The following SORL1 variants were observed in gnomAD, a reference collection of about 807,000 sequenced individuals.
SORL1 encodes sortilin related receptor 1, also known as sortilin-related receptor.
In SORL1, 127 loss-of-function variants were observed where a neutral mutation model predicts 273.7. The observed-to-expected ratio is 0.46, with a 90% confidence interval of 0.40 to 0.54. The LOEUF (loss-of-function observed/expected upper bound fraction) is 0.54, where lower values mean the gene tolerates loss of function less well. Ranked by LOEUF, SORL1 falls within the 20% of genes least tolerant of loss-of-function variation. SORL1 has a pLI of 0.00. For missense variants in SORL1, 2,494 were observed against 2,846.1 expected (o/e 0.88, Z 2.81); for synonymous variants, 1,031 against 1,067.4 (o/e 0.97, Z 0.66).
Position 121,550,712 on chromosome 11 carries a change from G to T in SORL1, c.2266+42G>T. 6.6e-7 allele frequency: 1 copy of T among 1,507,478 alleles called. No homozygotes were observed. The highest frequency in any genetic ancestry group is 9.2e-7 in the Non-Finnish European group (1 of 1,086,784). 93.4% of individuals were successfully genotyped at this position (1,507,478 alleles called of 1,614,324 possible). ...CTTCCCTTTCATTTCTTGAGACATG[G>T]TTGAAGCAGTATCACGATCTCACCC... On this transcript the variant is annotated intron_variant, in intron 16 of 47. Transcript: ENST00000260197. The surrounding 1 kb of genome is among the most constrained non-coding windows in gnomAD (Gnocchi z 5.3).
At chr11:121,480,204 A>G (rs776499822) in intron 3 of SORL1, among the ~76,000 whole-genome samples, 3 of 152,194 alleles carry the variant, frequency 2.0e-5, no homozygotes, top group African/African-American at 7.2e-5. Flanking sequence ...TAACTATGAG[A>G]GGGAAAGCAT....
At chr11:121,517,732 C>T (rs1297337458) in intron 8 of SORL1, among the ~76,000 whole-genome samples, 2 of 152,180 alleles carry the variant, frequency 1.3e-5, no homozygotes, top group African/African-American at 2.4e-5. Flanking sequence ...AATAGATTCA[C>T]GTCAAGAGTC....
rs1047775157 is a variant in SORL1, at chr11:121,604,389, C to T, written c.4651+65C>T. ...CTGGGAGGCTCGCTTACCCCAGGGC[C>T]CCTCCTGTGTAGACCTTGAGCTAGG... On this transcript the variant is annotated intron_variant, in intron 33 of 47. Coordinates refer to ENST00000260197, the MANE Select transcript of SORL1 (RefSeq NM_003105.6). 1.6e-5 allele frequency: 25 copies of T among 1,584,612 alleles called. No homozygotes were observed. In the South Asian group the frequency reaches 2.5e-4, roughly 16 times the overall value.
intron 24 of SORL1, among the ~76,000 whole-genome samples, chr11:121,575,404 G>A (rs1015069922): frequency 6.6e-5 from 10 of 152,260 alleles, no homozygotes; most frequent in African/African-American, 1.9e-4. Context: ...GAGGTCAGAC[G>A]CTGACCCAGA....
chr11:121,573,298 G>T (rs1862875957), intron 23 of SORL1, among the ~76,000 whole-genome samples: 1 of 152,138 alleles, frequency 6.6e-6, no homozygotes. Context: ...GTAAGTTGTA[G>T]GTTGCAGACT....
At chr11:121,572,709 G>A (rs1330092813) in intron 23 of SORL1, among the ~76,000 whole-genome samples, 1 of 152,072 alleles carries the variant, frequency 6.6e-6, no homozygotes, top group Admixed American at 6.6e-5. Flanking sequence ...AGTGGAGGAG[G>A]GGGGACACCG....
rs1332899176 is a variant in SORL1, at chr11:121,555,266, A to G, written c.2519A>G (p.Glu840Gly). 1 of 1,614,022 alleles carries G rather than the reference A, an allele frequency of 6.2e-7. No homozygotes were observed. The highest frequency in any genetic ancestry group is 1.3e-5 in the African/African-American group (1 of 74,948). The change falls in exon 18 of 48, where the codon GAA becomes GGA. Residue 840 changes from glutamate to glycine, a missense_variant. Physicochemically the swap from Glu to Gly is moderately conservative, Grantham distance 98. Transcript: ENST00000260197. The part of the protein sequence containing the change: ...GLETVEALAF[E>G]PLSQLLYWVD... ...GAGACAGTAGAAGCTTTGGCTTTTGAACCCCTCAGCCAGCTGCTTTACTGG... is the reference window on the plus strand; with the variant it reads ...GAGACAGTAGAAGCTTTGGCTTTTGGACCCCTCAGCCAGCTGCTTTACTGG...
At chr11:121,583,153 T>A (rs781489735) in intron 25 of SORL1, among the ~76,000 whole-genome samples, 7 of 152,176 alleles carry the variant, frequency 4.6e-5, no homozygotes, top group African/African-American at 1.2e-4. Context: ...CTGTTCTCAT[T>A]TGTGAAAGGG....
intron 8 of SORL1, among the ~76,000 whole-genome samples, chr11:121,515,485 C>G (rs180734016): frequency 6.7e-4 from 102 of 152,188 alleles, no homozygotes; most frequent in African/African-American, 2.4e-3. Context: ...GACTCTGAGG[C>G]TGGACTGCAC....
In SORL1 at chr11:121,588,031, A is replaced by C; in HGVS notation, c.3826A>C (p.Thr1276Pro). The change falls in exon 28 of 48, where the codon ACG becomes CCG. Residue 1276 changes from threonine to proline, a missense_variant. Around this residue, in one of 3 missense-constraint regions of SORL1, gnomAD observed 1,609 missense variants for 1,816.4 expected, o/e 0.89. Transcript: ENST00000260197. ...TGGATCCCTTACAGAGCCCCTCTGT[A>C]CGCACTTCATGGACTTTGTGTGTAA... The part of the protein sequence containing the change: ...SDEQHCEPLC[T>P]HFMDFVCKNR... The C allele has an allele frequency of 6.2e-7, 1 of 1,613,220 alleles. No individual in the cohort carries two copies. Among genetic ancestry groups the C allele is most frequent in the Non-Finnish European group, 8.5e-7 (1 of 1,179,472 alleles).
intron 2 of SORL1, among the ~76,000 whole-genome samples, chr11:121,472,337 T>A (rs3781826): frequency 0.037 from 5,585 of 152,214 alleles, 343 homozygotes; most frequent in East Asian, 0.18. Context: ...CAGACAACAT[T>A]TTTTGTGAGG....
chr11:121,507,382 C>T (rs1032796903), intron 6 of SORL1, among the ~76,000 whole-genome samples: 4 of 152,108 alleles, frequency 2.6e-5, no homozygotes, highest in Admixed American at 6.5e-5. Flanking sequence ...TCTCTCATCT[C>T]GTCAGTGACT....
intron 1 of SORL1, among the ~76,000 whole-genome samples, chr11:121,468,790 G>C (rs929782201): frequency 1.3e-5 from 2 of 152,160 alleles, no homozygotes; most frequent in Non-Finnish European, 2.9e-5. Flanking sequence ...GTATGGTTCA[G>C]GTGTTCAAAT....
chr11:121,488,187 C>G lies in SORL1; in HGVS notation c.684C>G (p.Asn228Lys). ...LLLGFDRSHP[N>K]KQLWKSDDFG... ...TGGGCTTTGACAGGTCCCACCCCAACAAGCAGGTAAGAGGGCTTTCAGAAC... is the reference window on the plus strand; with the variant it reads ...TGGGCTTTGACAGGTCCCACCCCAAGAAGCAGGTAAGAGGGCTTTCAGAAC... The change falls in exon 4 of 48, where the codon AAC (asparagine) becomes AAG (lysine). Residue 228 changes from asparagine to lysine, a missense_variant. Physicochemically the swap from Asn to Lys is moderately conservative, Grantham distance 94 (BLOSUM62 0). Transcript: ENST00000260197. The G allele has an allele frequency of 6.2e-7, 1 of 1,613,958 alleles. No homozygotes were observed. Among genetic ancestry groups the G allele is most frequent in the Non-Finnish European group, 8.5e-7 (1 of 1,179,900 alleles).
At chr11:121,569,932 TTC>T (rs781602742) in intron 22 of SORL1, among the ~76,000 whole-genome samples, 8 of 152,124 alleles carry the variant, frequency 5.3e-5, no homozygotes, top group Admixed American at 2.0e-4. Context: ...GCTTTAAAAT[TTC>T]TCTCTTTTTT....
chr11:121,495,722 G>C (rs1390864729), intron 5 of SORL1, among the ~76,000 whole-genome samples: 1 of 152,164 alleles, frequency 6.6e-6, no homozygotes, highest in East Asian at 1.9e-4. Context: ...GCTGCTGTGT[G>C]GGGATTCTTG....
intron 11 of SORL1, among the ~76,000 whole-genome samples, chr11:121,530,701 C>T (rs1862191135): frequency 6.6e-6 from 1 of 152,004 alleles, no homozygotes; most frequent in Non-Finnish European, 1.5e-5. Context: ...AATTTTCAGC[C>T]ATTATTTCTT....
chr11:121,566,924 T>G lies in SORL1; in HGVS notation c.3050-16T>G, dbSNP rs997352773. 1.9e-6 allele frequency: 3 copies of G among 1,610,212 alleles called. No individual in the cohort carries two copies. Among genetic ancestry groups the G allele is most frequent in the African/African-American group, 1.3e-5 (1 of 74,980 alleles). On this transcript the variant is annotated splice_polypyrimidine_tract_variant and intron_variant, in intron 21 of 47. Transcript: ENST00000260197. ...GTGTGTATTAACCTACCTGCTGCTGTTTGTCTTCCCTCCAGGAAGCAATGC... is the reference window on the plus strand; with the variant it reads ...GTGTGTATTAACCTACCTGCTGCTGGTTGTCTTCCCTCCAGGAAGCAATGC...
intron 25 of SORL1, among the ~76,000 whole-genome samples, chr11:121,581,582 C>T (rs886932237): frequency 2.0e-5 from 3 of 152,000 alleles, no homozygotes; most frequent in South Asian, 4.2e-4. Flanking sequence ...CAGTATTTAC[C>T]GGGCACTCAA....
Sources: allele counts gnomAD v4.1 joint callset (sites outside exome capture counted in the v4.1 genomes callset), GRCh38; gene constraint gnomAD v4.1.1; regional missense constraint gnomAD v4.1.1; non-coding constraint Gnocchi (gnomAD v3.1); transcripts MANE v1.5; gene names NCBI Gene and HGNC (gene_info 2026-07-23, HGNC 2026-07-21).